The following NBEA variants were observed in gnomAD, a reference collection of about 807,000 sequenced individuals.
NBEA encodes the protein lysosomal-trafficking regulator 2.
In NBEA, 44 loss-of-function variants were observed where a neutral mutation model predicts 343.4. The observed-to-expected ratio is 0.13, with a 90% CI of 0.10 to 0.16. The LOEUF (loss-of-function observed/expected upper bound fraction) is 0.16. NBEA is among the 10% of genes least tolerant of loss of function. The pLI is 1.00. For missense variants in NBEA, 2,555 were observed against 3,631.3 expected (o/e 0.70, Z 7.62); for synonymous variants, 1,175 against 1,238.7 (o/e 0.95, Z 1.08).
In NBEA at chr13:35,319,671, G is replaced by A. The variant is rs1361289511; in HGVS notation, c.5903+10079G>A. ...CTTGTTAATTTTCTCTCGTTGATATGTCTAATATTGACAGTGGGGTGTTAA... is the reference window on the plus strand; with the variant it reads ...CTTGTTAATTTTCTCTCGTTGATATATCTAATATTGACAGTGGGGTGTTAA... On this transcript the variant is annotated intron_variant, in intron 36 of 58. Transcript: ENST00000379939. Among the ~76,000 whole-genome samples, 3 of 152,134 alleles carry A rather than the reference G, an allele frequency of 2.0e-5. No individual in the cohort carries two copies. The East Asian group carries it at 5.8e-4, about 29-fold the overall frequency.
intron 1 of NBEA, among the ~76,000 whole-genome samples, chr13:34,967,143 GGTTT>G (rs989736781): frequency 3.3e-5 from 5 of 151,590 alleles, no homozygotes; most frequent in African/African-American, 1.2e-4. Context: ...GTGTTAGAAA[GGTTT>G]GTTATTATTA....
chr13:35,430,939 G>T (rs1034653411), intron 38 of NBEA, among the ~76,000 whole-genome samples: 1 of 152,002 alleles, frequency 6.6e-6, no homozygotes, highest in African/African-American at 2.4e-5. Context: ...GTGCATTAAA[G>T]CATACTTCAA....
chr13:35,671,143 C>G lies in NBEA; in HGVS notation c.*152C>G, dbSNP rs960384693. On this transcript the variant is annotated 3_prime_UTR_variant, in exon 59 of 59. Transcript: ENST00000379939. ...ATAGCTGTACATTGTAGTCAGCAAC[C>G]ATTTTACTTTGTGTGTTTTTTCACG... The G allele has an allele frequency of 3.5e-5, 20 of 576,496 alleles. No individual in the cohort carries two copies. In the East Asian group the frequency reaches 4.4e-4, roughly 13 times the overall value. 35.7% of individuals were successfully genotyped at this position (576,496 alleles called of 1,614,324 possible). A position where few individuals can be genotyped will look rare whatever the true frequency, so the allele number is the denominator to read the frequency against.
intron 34 of NBEA, among the ~76,000 whole-genome samples, chr13:35,272,261 C>T (rs540874556): frequency 3.9e-5 from 6 of 152,232 alleles, no homozygotes; most frequent in South Asian, 2.1e-4. Context: ...AACTAACCTT[C>T]GTAAGTGAAG....
intron 55 of NBEA, among the ~76,000 whole-genome samples, chr13:35,663,224 A>C (rs1224410828): frequency 6.6e-6 from 1 of 152,162 alleles, no homozygotes; most frequent in African/African-American, 2.4e-5. Flanking sequence ...CTTCTGCCTA[A>C]CTTTATCTAT....
At chr13:34,995,062 C>T (rs930532370) in intron 1 of NBEA, among the ~76,000 whole-genome samples, 43 of 152,210 alleles carry the variant, frequency 2.8e-4, no homozygotes, top group African/African-American at 9.1e-4. Context: ...CTCTCTGCCC[C>T]GACCTTCTGG....
chr13:35,420,687 G>T (rs1464529262), intron 38 of NBEA, among the ~76,000 whole-genome samples: 3 of 151,906 alleles, frequency 2.0e-5, no homozygotes, highest in African/African-American at 7.2e-5. Context: ...TTCTTTAATT[G>T]TTACAGAGTT....
At chr13:35,522,001 G>C (rs2077737730) in intron 41 of NBEA, among the ~76,000 whole-genome samples, 1 of 152,144 alleles carries the variant, frequency 6.6e-6, no homozygotes, top group Non-Finnish European at 1.5e-5. Context: ...AGACAGAGAG[G>C]AGCAGGACAT....
chr13:35,474,932 T>C, intron 41 of NBEA: 7 of 1,130,600 alleles, frequency 6.2e-6, no homozygotes, highest in Non-Finnish European at 8.9e-6. Context: ...AATATTGTAT[T>C]ATTATTCCTT....
intron 36 of NBEA, among the ~76,000 whole-genome samples, chr13:35,347,441 T>C (rs997182113): frequency 2.0e-5 from 3 of 152,014 alleles, no homozygotes; most frequent in African/African-American, 4.8e-5. Flanking sequence ...AGAATGAAAT[T>C]TAAAAAGGAC....
chr13:35,330,122 C>A (rs1001950239), intron 36 of NBEA, among the ~76,000 whole-genome samples: 2 of 152,050 alleles, frequency 1.3e-5, no homozygotes, highest in East Asian at 3.9e-4. Flanking sequence ...AACATAGTCA[C>A]CTGTTTCTGT....
chr13:35,587,255 C>A (rs2081330906), intron 46 of NBEA, among the ~76,000 whole-genome samples: 1 of 152,250 alleles, frequency 6.6e-6, no homozygotes, highest in East Asian at 1.9e-4. Context: ...AAAAGATGTA[C>A]CTGGGCTTAA....
intron 1 of NBEA, among the ~76,000 whole-genome samples, chr13:35,027,500 A>G (rs548060548): frequency 2.0e-5 from 3 of 151,900 alleles, no homozygotes; most frequent in Non-Finnish European, 4.4e-5. Flanking sequence ...CTTTGATCAA[A>G]TGCGTGTTCA....
chr13:35,320,190 C>T (rs1424139923), intron 36 of NBEA, among the ~76,000 whole-genome samples: 4 of 152,254 alleles, frequency 2.6e-5, no homozygotes, highest in East Asian at 1.9e-4. Flanking sequence ...TTCATAGTGT[C>T]GATGGACTTT....
At chr13:35,645,722 A>G (rs2084194736) in intron 49 of NBEA, 147 bp from the exon 50 acceptor site, 1 of 446,586 alleles carries the variant, frequency 2.2e-6, no homozygotes, top group Non-Finnish European at 4.0e-6. Context: ...TTTTGTAACA[A>G]AAGTTTTGTT....
intron 1 of NBEA, among the ~76,000 whole-genome samples, chr13:35,029,747 C>A (rs2062138637): frequency 6.6e-6 from 1 of 151,568 alleles, no homozygotes; most frequent in South Asian, 2.1e-4. Flanking sequence ...TATTTATAAA[C>A]CTCAGTGCTC....
intron 36 of NBEA, among the ~76,000 whole-genome samples, chr13:35,341,516 A>G (rs940772317): frequency 3.9e-5 from 6 of 152,092 alleles, no homozygotes; most frequent in African/African-American, 1.4e-4. Context: ...TAATCTCCAG[A>G]ATATAAAAGT....
At chr13:35,140,251 T>C (rs1385124706) in intron 17 of NBEA, among the ~76,000 whole-genome samples, 3 of 151,954 alleles carry the variant, frequency 2.0e-5, no homozygotes, top group African/African-American at 7.3e-5. Flanking sequence ...TGAGTTCAAA[T>C]GAGCCTCCTG....
At chr13:35,500,783 T>G (rs768317909) in intron 41 of NBEA, among the ~76,000 whole-genome samples, 1 of 151,680 alleles carries the variant, frequency 6.6e-6, no homozygotes, top group Non-Finnish European at 1.5e-5. Context: ...TGGAAACTAA[T>G]TTTTAGGAGA....
Sources: allele counts gnomAD v4.1 joint callset (sites outside exome capture counted in the v4.1 genomes callset), GRCh38; gene constraint gnomAD v4.1.1; transcripts MANE v1.5; gene names NCBI Gene and HGNC (gene_info 2026-07-23, HGNC 2026-07-21).